INSR: variants seen among roughly 807,000 people sequenced by gnomAD.
The protein encoded by INSR is IR.
A neutral mutation model predicts 142.6 loss-of-function variants in INSR; 67 were observed. The ratio of observed to expected loss-of-function variants is 0.47; its 90% CI spans 0.39 to 0.58. The LOEUF is 0.58. Among genes scored for constraint, INSR ranks in the 20% least tolerant of loss-of-function variants. The probability of loss-of-function intolerance (pLI) is 0.00; values close to 1 mark genes in which losing one functional copy is unlikely to be tolerated. For synonymous variants in INSR, 756 were observed against 743.1 expected, an observed-to-expected ratio of 1.02 and a Z score of -0.28; for missense variants, 1,248 against 1,833.2, an observed-to-expected ratio of 0.68 and a Z score of 5.83.
intron 11 of INSR, among the ~76,000 whole-genome samples, chr19:7,144,341 G>A (rs906693108): frequency 3.3e-5 from 5 of 152,164 alleles, no homozygotes; most frequent in East Asian, 1.9e-4. Flanking sequence ...CTTGGAAAAC[G>A]ATGAATGACT....
intron 2 of INSR, among the ~76,000 whole-genome samples, chr19:7,224,483 G>C (rs1975717970): frequency 6.6e-6 from 1 of 152,106 alleles, no homozygotes; most frequent in Admixed American, 6.6e-5. Context: ...GAGACATCAG[G>C]GTGTGTGGCC....
intron 3 of INSR, among the ~76,000 whole-genome samples, chr19:7,180,901 G>T (rs1464621609): frequency 6.6e-6 from 1 of 152,112 alleles, no homozygotes; most frequent in African/African-American, 2.4e-5. Flanking sequence ...GAAGCCACCG[G>T]AGGGTTTTAG....
intron 2 of INSR, among the ~76,000 whole-genome samples, chr19:7,210,497 A>G (rs1187273559): frequency 6.6e-6 from 1 of 152,036 alleles, no homozygotes; most frequent in Admixed American, 6.6e-5. Flanking sequence ...GTTTGGCATC[A>G]AGTCATGGCT....
intron 9 of INSR, among the ~76,000 whole-genome samples, chr19:7,153,552 G>C (rs148034189): frequency 2.7e-3 from 365 of 136,650 alleles, no homozygotes; most frequent in African/African-American, 9.0e-3. Context: ...GCCTAGATTT[G>C]AGCTCCGCTT....
chr19:7,182,332 C>G (rs1293165175), intron 3 of INSR, among the ~76,000 whole-genome samples: 1 of 151,776 alleles, frequency 6.6e-6, no homozygotes, highest in Non-Finnish European at 1.5e-5. Context: ...GAAACTCCAT[C>G]TCAAAAAAAC....
At chr19:7,255,945 C>A (rs1976877913) in intron 2 of INSR, among the ~76,000 whole-genome samples, 1 of 151,952 alleles carries the variant, frequency 6.6e-6, no homozygotes, top group African/African-American at 2.4e-5. Context: ...CAATCTGGAA[C>A]AATCTCTCCT....
intron 2 of INSR, among the ~76,000 whole-genome samples, chr19:7,199,121 T>C (rs2145039121): frequency 6.6e-6 from 1 of 152,236 alleles, no homozygotes; most frequent in African/African-American, 2.4e-5. Flanking sequence ...CCTCAAGTGA[T>C]CCTCTTGCCT....
At chr19:7,191,097 G>C (rs1974572420) in intron 2 of INSR, among the ~76,000 whole-genome samples, 1 of 152,084 alleles carries the variant, frequency 6.6e-6, no homozygotes, top group African/African-American at 2.4e-5. Flanking sequence ...AGGAGTTCGA[G>C]ACCAGCCTGG....
intron 2 of INSR, among the ~76,000 whole-genome samples, chr19:7,207,331 C>T (rs543653847): frequency 6.6e-6 from 1 of 152,046 alleles, no homozygotes; most frequent in Non-Finnish European, 1.5e-5. Flanking sequence ...GCAGGAGAAT[C>T]GCTTGAACCC....
intron 11 of INSR, among the ~76,000 whole-genome samples, chr19:7,144,490 G>A (rs1191128897): frequency 2.6e-5 from 4 of 151,978 alleles, no homozygotes; most frequent in Non-Finnish European, 4.4e-5. Flanking sequence ...TGCAACCTCC[G>A]CCTCCTGAGT....
At chr19:7,126,523 G>A (rs1026842947) in intron 16 of INSR, 61 bp downstream of exon 16, 22 of 1,414,420 alleles carry the variant, frequency 1.6e-5, no homozygotes, top group Non-Finnish European at 2.2e-5. Context: ...ACTCAATGGT[G>A]AAGGCAAAGG....
intron 14 of INSR, among the ~76,000 whole-genome samples, chr19:7,130,779 CTCTCT>C (rs762800804): frequency 2.2e-4 from 34 of 151,994 alleles, no homozygotes; most frequent in Non-Finnish European, 4.7e-4. Context: ...CTCTTCCTCT[CTCTCT>C]TCTCTTCTTT....
At chr19:7,248,251 T>C (rs1387630489) in intron 2 of INSR, among the ~76,000 whole-genome samples, 1 of 150,318 alleles carries the variant, frequency 6.7e-6, no homozygotes, top group Non-Finnish European at 1.5e-5. Context: ...GCTCAAGCAA[T>C]CCTCCCACCT....
chr19:7,211,851 G>A (rs1337730131), intron 2 of INSR, among the ~76,000 whole-genome samples: 5 of 147,550 alleles, frequency 3.4e-5, no homozygotes, highest in Admixed American at 2.7e-4. Flanking sequence ...AGGGAATATC[G>A]GTTTGTCTGG....
chr19:7,286,934 C>T (rs1968359023), intron 1 of INSR, among the ~76,000 whole-genome samples: 1 of 151,956 alleles, frequency 6.6e-6, no homozygotes, highest in South Asian at 2.1e-4. Context: ...GCAGCCTTGC[C>T]CTTCCAGCCT....
At chr19:7,199,835 T>TA (rs1568482428) in intron 2 of INSR, among the ~76,000 whole-genome samples, 1 of 94,904 alleles carries the variant, frequency 1.1e-5, no homozygotes, top group Non-Finnish European at 2.2e-5. Context: ...ACGAGACACA[T>TA]ACGCCCCGTG....
At chr19:7,120,336 C>A (rs1972460932) in intron 20 of INSR, among the ~76,000 whole-genome samples, 1 of 152,216 alleles carries the variant, frequency 6.6e-6, no homozygotes, top group African/African-American at 2.4e-5. Flanking sequence ...GGGCACCTGT[C>A]CTCAGGACCA....
chr19:7,153,791 G>A (rs1158956461), intron 9 of INSR, among the ~76,000 whole-genome samples: 1 of 152,102 alleles, frequency 6.6e-6, no homozygotes, highest in Non-Finnish European at 1.5e-5. Context: ...CGAGGTGTGA[G>A]GATCACGTGA....
rs1010248779 is a variant in INSR at position 7,143,175 on chromosome 19, TAAG to T, written c.2268-88_2268-86del. ...GACACTGGAGAATAAAAGGCTTGAT[TAAG>T]AAGAAAGATCAGAGCGCAGGAGGGT... is the stretch of plus-strand genomic sequence containing the variant. On this transcript the variant is annotated intron_variant, in intron 11 of 21. Transcript: ENST00000302850. 6.0e-6 allele frequency: 9 copies of T among 1,487,960 alleles called. No individual in the cohort carries two copies. The Admixed American group carries it at 8.5e-5, about 14-fold the overall frequency. The allele number at this position is 1,487,960 out of a possible 1,614,324, so 92.2% of individuals were successfully genotyped here. A position where few individuals can be genotyped will look rare whatever the true frequency, so the allele number is the denominator to read the frequency against.
Sources: allele counts gnomAD v4.1 joint callset (sites outside exome capture counted in the v4.1 genomes callset), GRCh38; gene constraint gnomAD v4.1.1; transcripts MANE v1.5; gene names NCBI Gene and HGNC (gene_info 2026-07-23, HGNC 2026-07-21).